PHF24: variants seen among roughly 807,000 people sequenced by gnomAD.
PHF24 encodes PHD finger protein 24.
Under a neutral mutation model 42.6 loss-of-function variants are expected in PHF24, and 25 were observed. The ratio of observed to expected loss-of-function variants is 0.59; its 90% CI spans 0.43 to 0.82. PHF24 has a LOEUF of 0.82. PHF24 is among the 40% of genes least tolerant of loss of function. PHF24 has a pLI of 0.00. For missense variants in PHF24, 470 were observed against 538.1 expected (o/e 0.87, Z 1.25); for synonymous variants, 185 against 204.8 (o/e 0.90, Z 0.83).
the PHF24 span, among the ~76,000 whole-genome samples, chr9:34,770,122 AAAAGAC>A: frequency 6.6e-6 from 1 of 152,210 alleles, no homozygotes; most frequent in African/African-American, 2.4e-5. Flanking sequence ...AAGCAAAGCC[AAAAGAC>A]AAACTACAAC....
At chr9:34,733,022 A>C in the PHF24 span, among the ~76,000 whole-genome samples, 10 of 152,274 alleles carry the variant, frequency 6.6e-5, 1 homozygote, top group South Asian at 2.1e-3. Flanking sequence ...CACTGGTATG[A>C]GTATATAACT....
the PHF24 span, chr9:34,691,172 G>A: frequency 1.9e-6 from 3 of 1,608,006 alleles, 1 homozygote; most frequent in South Asian, 3.3e-5. Context: ...AACGGTGAAT[G>A]TGTGAGCGCC....
At chr9:34,705,542 A>G in the PHF24 span, among the ~76,000 whole-genome samples, 1 of 152,230 alleles carries the variant, frequency 6.6e-6, no homozygotes, top group Admixed American at 6.5e-5. Flanking sequence ...TGGCCTCCCA[A>G]AGTGTTGGGA....
At chr9:34,753,527 T>C in the PHF24 span, among the ~76,000 whole-genome samples, 3 of 152,050 alleles carry the variant, frequency 2.0e-5, no homozygotes, top group Non-Finnish European at 4.4e-5. Context: ...CATGCTCATG[T>C]ATCGAAAAGC....
At chr9:34,900,539 C>T in the PHF24 span, among the ~76,000 whole-genome samples, 1 of 152,230 alleles carries the variant, frequency 6.6e-6, no homozygotes, top group East Asian at 1.9e-4. Flanking sequence ...GTGGAGGTTG[C>T]AGTGAGCTGA....
chr9:34,761,699 T>C, the PHF24 span, among the ~76,000 whole-genome samples: 1 of 152,158 alleles, frequency 6.6e-6, no homozygotes, highest in East Asian at 1.9e-4. Context: ...TTTTTTTAAA[T>C]TTTATTATTA....
chr9:34,702,268 T>C, the PHF24 span, among the ~76,000 whole-genome samples: 9 of 152,172 alleles, frequency 5.9e-5, no homozygotes, highest in Admixed American at 2.0e-4. Context: ...CCCCCACTCC[T>C]GTTTTCCTGT....
Position 34,965,547 on chromosome 9 carries a change from G to C in PHF24, c.-4-5748G>C, listed in dbSNP as rs1039057078. Among the ~76,000 whole-genome samples, 3 of 152,266 alleles carry C rather than the reference G, an allele frequency of 2.0e-5. No homozygotes were observed. The South Asian group carries it at 6.2e-4, about 31-fold the overall frequency. On this transcript the variant is annotated intron_variant, in intron 1 of 7. Transcript: ENST00000242315. ...ATGTTTGTTTTGCTAGTAGATGTCA[G>C]CTTCAGTCTTCATAGAAATTGCTTT...
the PHF24 span, among the ~76,000 whole-genome samples, chr9:34,684,335 G>A: frequency 6.6e-6 from 1 of 152,192 alleles, no homozygotes; most frequent in Non-Finnish European, 1.5e-5. Context: ...TGTGATGGCA[G>A]CGCTGAGACT....
chr9:34,690,480 C>T, the PHF24 span: 28 of 741,660 alleles, frequency 3.8e-5, no homozygotes, highest in East Asian at 5.7e-5. Context: ...CTGGTGGGGT[C>T]GGGGAGGAGT....
chr9:34,832,149 C>T, the PHF24 span: 12 of 297,796 alleles, frequency 4.0e-5, no homozygotes, highest in Non-Finnish European at 6.2e-5. Flanking sequence ...TCTAGTGGCA[C>T]CCTGCCCCAC....
chr9:34,923,471 T>C, the PHF24 span, among the ~76,000 whole-genome samples: 2 of 152,240 alleles, frequency 1.3e-5, no homozygotes, highest in Non-Finnish European at 2.9e-5. Flanking sequence ...TTTTCTTTGC[T>C]GGGAGACTTT....
the PHF24 span, chr9:34,724,035 G>A: frequency 9.1e-6 from 14 of 1,534,668 alleles, no homozygotes; most frequent in African/African-American, 1.4e-5. Flanking sequence ...GTTGAGGAGC[G>A]CCCAAACCCC....
the PHF24 span, among the ~76,000 whole-genome samples, chr9:34,700,844 G>A: frequency 6.6e-6 from 1 of 152,116 alleles, no homozygotes; most frequent in Non-Finnish European, 1.5e-5. Flanking sequence ...AGGGTGTTCC[G>A]AAGGTACCCA....
At chr9:34,702,002 A>C in the PHF24 span, among the ~76,000 whole-genome samples, 2 of 152,118 alleles carry the variant, frequency 1.3e-5, no homozygotes, top group Non-Finnish European at 2.9e-5. Context: ...TAGATATCTT[A>C]CACCACTCAT....
chr9:34,913,824 C>G, the PHF24 span, among the ~76,000 whole-genome samples: 1 of 152,122 alleles, frequency 6.6e-6, no homozygotes, highest in Non-Finnish European at 1.5e-5. Context: ...TTAGCTGTGC[C>G]TGGTCCAGGT....
the PHF24 span, among the ~76,000 whole-genome samples, chr9:34,680,580 T>C: frequency 5.8e-4 from 84 of 146,048 alleles, 1 homozygote; most frequent in Non-Finnish European, 1.1e-3. Flanking sequence ...CCCGGCTACT[T>C]GGGAGGCTGA....
the PHF24 span, chr9:34,918,147 A>C: frequency 4.6e-6 from 7 of 1,525,618 alleles, no homozygotes; most frequent in South Asian, 2.2e-5. Flanking sequence ...CAGCATATGC[A>C]TTCCCTGGAC....
chr9:34,942,681 T>C, the PHF24 span, among the ~76,000 whole-genome samples: 1 of 152,168 alleles, frequency 6.6e-6, no homozygotes, highest in Non-Finnish European at 1.5e-5. Flanking sequence ...CCTTTGTCGA[T>C]GAGTTCATGT....
Sources: allele counts gnomAD v4.1 joint callset (sites outside exome capture counted in the v4.1 genomes callset), GRCh38; gene constraint gnomAD v4.1.1; transcripts MANE v1.5; gene names NCBI Gene and HGNC (gene_info 2026-07-23, HGNC 2026-07-21).